Variants in HS6ST3 observed in about 807,000 individuals in gnomAD.
The protein encoded by HS6ST3 is heparan-sulfate 6-O-sulfotransferase 3.
Under a neutral mutation model 36.7 loss-of-function variants are expected in HS6ST3, and 12 were observed. The observed-to-expected ratio is 0.33, with a 90% CI of 0.21 to 0.53. The LOEUF (loss-of-function observed/expected upper bound fraction) is 0.53, where lower values mean the gene tolerates loss of function less well. HS6ST3 is among the 20% of genes least tolerant of loss of function. The probability of loss-of-function intolerance (pLI) is 0.95; values close to 1 mark genes in which losing one functional copy is unlikely to be tolerated. For synonymous variants in HS6ST3, 240 were observed against 257.5 expected (o/e 0.93, Z 0.65); for missense variants, 584 against 640.9 (o/e 0.91, Z 0.96).
intron 1 of HS6ST3, among the ~76,000 whole-genome samples, chr13:96,416,379 T>C (rs2055532926): frequency 6.6e-6 from 1 of 152,216 alleles, no homozygotes; most frequent in Non-Finnish European, 1.5e-5. Flanking sequence ...ATCCCATTAG[T>C]CTAATACTAA....
At chr13:96,409,773 T>C (rs1413886859) in intron 1 of HS6ST3, among the ~76,000 whole-genome samples, 13 of 152,154 alleles carry the variant, frequency 8.5e-5, no homozygotes, top group Admixed American at 8.5e-4. Context: ...GTGAACTGAC[T>C]AATTCAAGGA....
intron 1 of HS6ST3, among the ~76,000 whole-genome samples, chr13:96,338,304 CT>C (rs1433353158): frequency 6.6e-6 from 1 of 152,102 alleles, no homozygotes; most frequent in Non-Finnish European, 1.5e-5. Context: ...TCTCTTGGGT[CT>C]CAGTGCACCG....
chr13:96,201,374 AC>A (rs1181883342), intron 1 of HS6ST3, among the ~76,000 whole-genome samples: 5 of 151,988 alleles, frequency 3.3e-5, no homozygotes, highest in African/African-American at 1.2e-4. Flanking sequence ...GATATCTTCC[AC>A]CCCAGGTTTC....
intron 1 of HS6ST3, among the ~76,000 whole-genome samples, chr13:96,634,207 A>C (rs2056541363): frequency 6.6e-6 from 1 of 152,204 alleles, no homozygotes; most frequent in South Asian, 2.1e-4. Flanking sequence ...TTGTCATAGC[A>C]GCCGAACTGA....
intron 1 of HS6ST3, among the ~76,000 whole-genome samples, chr13:96,160,468 G>A (rs1285676424): frequency 6.6e-6 from 1 of 152,134 alleles, no homozygotes; most frequent in Non-Finnish European, 1.5e-5. Context: ...ATTTCCTTTA[G>A]GTAAAGAGAT....
At chr13:96,562,010 A>G (rs2056264054) in intron 1 of HS6ST3, among the ~76,000 whole-genome samples, 1 of 152,244 alleles carries the variant, frequency 6.6e-6, no homozygotes, top group Non-Finnish European at 1.5e-5. Flanking sequence ...CATTTGACCC[A>G]GCAATCCCAT....
intron 1 of HS6ST3, among the ~76,000 whole-genome samples, chr13:96,353,912 C>G (rs564636283): frequency 5.9e-5 from 9 of 152,224 alleles, no homozygotes; most frequent in African/African-American, 2.2e-4. Context: ...GAAAATTTTG[C>G]TAATTCAACA....
intron 1 of HS6ST3, among the ~76,000 whole-genome samples, chr13:96,136,702 T>G (rs1365975719): frequency 7.2e-6 from 1 of 139,082 alleles, no homozygotes; most frequent in African/African-American, 3.1e-5. Flanking sequence ...TATATATATA[T>G]ATATATATAT....
intron 1 of HS6ST3, among the ~76,000 whole-genome samples, chr13:96,395,496 A>T (rs550970817): frequency 6.6e-6 from 1 of 151,894 alleles, no homozygotes; most frequent in Non-Finnish European, 1.5e-5. Flanking sequence ...CATCCCATCC[A>T]TCCGTTTTTT....
At chr13:96,785,812 A>G (rs986512683) in intron 1 of HS6ST3, among the ~76,000 whole-genome samples, 4 of 152,216 alleles carry the variant, frequency 2.6e-5, no homozygotes, top group African/African-American at 7.2e-5. Flanking sequence ...AATTCTGGAC[A>G]TACACATATA....
chr13:96,721,551 C>T (rs917702413), intron 1 of HS6ST3, among the ~76,000 whole-genome samples: 1 of 152,104 alleles, frequency 6.6e-6, no homozygotes, highest in Non-Finnish European at 1.5e-5. Context: ...TGGCCATGGA[C>T]TAATAATAAT....
chr13:96,294,064 A>G (rs2054842965), intron 1 of HS6ST3, among the ~76,000 whole-genome samples: 1 of 152,102 alleles, frequency 6.6e-6, no homozygotes, highest in South Asian at 2.1e-4. Context: ...TTCTTGGGTT[A>G]TCAAGCTCAG....
Position 96,833,371 on chromosome 13 carries a change from T to C in HS6ST3, c.*173T>C. Reference sequence around the variant, plus strand: ...TTATCCAGCTGGAGATTATCCGTCTTGTTCTTTTTTTTCTTGACATTTTGC... The same window carrying C: ...TTATCCAGCTGGAGATTATCCGTCTCGTTCTTTTTTTTCTTGACATTTTGC... On this transcript the variant is annotated 3_prime_UTR_variant, in exon 2 of 2. Coordinates refer to ENST00000376705, the MANE Select transcript of HS6ST3 (RefSeq NM_153456.4). 3.3e-6 allele frequency: 2 copies of C among 609,468 alleles called. No individual in the cohort carries two copies. Among genetic ancestry groups the C allele is most frequent in the Middle Eastern group, 4.4e-4 (1 of 2,276 alleles). 37.8% of individuals were successfully genotyped at this position (609,468 alleles called of 1,614,324 possible).
chr13:96,569,864 C>A (rs2056294950), intron 1 of HS6ST3, among the ~76,000 whole-genome samples: 1 of 152,148 alleles, frequency 6.6e-6, no homozygotes, highest in Non-Finnish European at 1.5e-5. Context: ...TTGGCCACTT[C>A]ATACTGTCTC....
chr13:96,398,304 A>T (rs995197311), intron 1 of HS6ST3, among the ~76,000 whole-genome samples: 3 of 151,912 alleles, frequency 2.0e-5, no homozygotes, highest in African/African-American at 7.3e-5. Context: ...TTTTTTTGAG[A>T]CAGAATATTT....
At chr13:96,583,729 C>T (rs1359583427) in intron 1 of HS6ST3, among the ~76,000 whole-genome samples, 2 of 152,236 alleles carry the variant, frequency 1.3e-5, no homozygotes, top group African/African-American at 4.8e-5. Context: ...GCTGTTTCTC[C>T]AAGATTTTGT....
chr13:96,627,496 C>G (rs1388119486), intron 1 of HS6ST3, among the ~76,000 whole-genome samples: 3 of 151,926 alleles, frequency 2.0e-5, no homozygotes, highest in Non-Finnish European at 4.4e-5. Context: ...TTATCTCATA[C>G]TTGCCTCTAT....
intron 1 of HS6ST3, among the ~76,000 whole-genome samples, chr13:96,674,195 G>A (rs1042543764): frequency 2.6e-5 from 4 of 151,966 alleles, no homozygotes; most frequent in South Asian, 2.1e-4. Context: ...TTGTGGAAAC[G>A]TCTCCTTCCC....
intron 1 of HS6ST3, among the ~76,000 whole-genome samples, chr13:96,360,389 C>T (rs890659772): frequency 6.6e-6 from 1 of 151,924 alleles, no homozygotes; most frequent in Non-Finnish European, 1.5e-5. Flanking sequence ...TATTGAATCC[C>T]TCTAGGGATT....
Sources: allele counts gnomAD v4.1 joint callset (sites outside exome capture counted in the v4.1 genomes callset), GRCh38; gene constraint gnomAD v4.1.1; transcripts MANE v1.5; gene names NCBI Gene and HGNC (gene_info 2026-07-23, HGNC 2026-07-21).